CFAP61: variants seen among roughly 807,000 people sequenced by gnomAD.
The protein encoded by CFAP61 is cilia- and flagella-associated protein 61.
In CFAP61, 107 loss-of-function variants were observed where a neutral mutation model predicts 135.6. The observed-to-expected ratio is 0.79, with a 90% CI of 0.67 to 0.93. The LOEUF (loss-of-function observed/expected upper bound fraction) is 0.93. Ranked by LOEUF, CFAP61 falls within the 40% of genes least tolerant of loss-of-function variation. The probability of loss-of-function intolerance (pLI) is 0.00; values close to 1 mark genes in which losing one functional copy is unlikely to be tolerated. For missense variants in CFAP61, 1,507 were observed against 1,556.2 expected, an observed-to-expected ratio of 0.97 and a Z score of 0.53; for synonymous variants, 575 against 578.5, an observed-to-expected ratio of 0.99 and a Z score of 0.09.
intron 8 of CFAP61, among the ~76,000 whole-genome samples, chr20:20,104,156 C>T (rs1321172274): frequency 1.3e-5 from 2 of 152,116 alleles, no homozygotes; most frequent in African/African-American, 4.8e-5. Context: ...ACCAAGTCAT[C>T]CAGGAAAACT....
intron 13 of CFAP61, 41 bp downstream of exon 13, chr20:20,169,501 T>C (rs2054070406): frequency 1.3e-6 from 2 of 1,516,442 alleles, no homozygotes; most frequent in Admixed American, 1.8e-5. Flanking sequence ...ATCCATGAAA[T>C]TACAGAAGAG....
chr20:20,287,734 A>G (rs1168244701), intron 22 of CFAP61, among the ~76,000 whole-genome samples: 2 of 152,234 alleles, frequency 1.3e-5, no homozygotes, highest in Non-Finnish European at 2.9e-5. Context: ...TGCTTTTAAT[A>G]AAGTGGCAGA....
chr20:20,236,849 A>C lies in CFAP61; in HGVS notation c.2060+8473A>C, dbSNP rs202151027. 5.3e-5 allele frequency among the ~76,000 whole-genome samples: 8 copies of C among 152,322 alleles called. No homozygotes were observed. In the East Asian group the frequency reaches 1.5e-3, roughly 29 times the overall value. On this transcript the variant is annotated intron_variant, in intron 18 of 26. Transcript: ENST00000245957. ...TGTATTTTGCCATCTCTCATGTGCAAGGGCTTTCTGGCTTGTCTTTGATAG... is the reference window on the plus strand; with the variant it reads ...TGTATTTTGCCATCTCTCATGTGCACGGGCTTTCTGGCTTGTCTTTGATAG...
At chr20:20,097,560 T>C (rs1439584769) in intron 7 of CFAP61, among the ~76,000 whole-genome samples, 1 of 152,250 alleles carries the variant, frequency 6.6e-6, no homozygotes, top group Non-Finnish European at 1.5e-5. Context: ...TAATTTCTAA[T>C]GTTTTGGTAC....
chr20:20,327,293 T>C (rs1275035733), intron 25 of CFAP61, among the ~76,000 whole-genome samples: 1 of 152,192 alleles, frequency 6.6e-6, no homozygotes, highest in Non-Finnish European at 1.5e-5. Flanking sequence ...CAATATTAAA[T>C]GGTAGTGGAG....
At chr20:20,300,398 C>G (rs576612644) in intron 25 of CFAP61, among the ~76,000 whole-genome samples, 2 of 152,254 alleles carry the variant, frequency 1.3e-5, no homozygotes, top group African/African-American at 4.8e-5. Context: ...CTCTGAAGCC[C>G]TTCCAGTGGG....
chr20:20,128,887 C>G (rs1239072272), intron 8 of CFAP61, among the ~76,000 whole-genome samples: 3 of 151,556 alleles, frequency 2.0e-5, no homozygotes, highest in Admixed American at 6.6e-5. Context: ...AAAGAAAAAT[C>G]TAGAAAAAAG....
intron 8 of CFAP61, among the ~76,000 whole-genome samples, chr20:20,104,004 C>T (rs1016243237): frequency 1.8e-4 from 28 of 152,296 alleles, no homozygotes; most frequent in Middle Eastern, 3.4e-3. Context: ...TGCAAGGTTC[C>T]GATTTGTAAA....
At chr20:20,310,152 C>T (rs1296987668) in intron 25 of CFAP61, among the ~76,000 whole-genome samples, 5 of 152,084 alleles carry the variant, frequency 3.3e-5, no homozygotes, top group Non-Finnish European at 7.4e-5. Flanking sequence ...TGCTACCACA[C>T]CCTGCTAATT....
chr20:20,250,093 C>A (rs6046757), intron 19 of CFAP61, among the ~76,000 whole-genome samples: 1 of 152,178 alleles, frequency 6.6e-6, no homozygotes, highest in African/African-American at 2.4e-5. Context: ...GGTCCTGTAA[C>A]AAGGTCTAAT....
intron 8 of CFAP61, among the ~76,000 whole-genome samples, chr20:20,124,576 C>T (rs1445458311): frequency 6.6e-6 from 1 of 151,660 alleles, no homozygotes; most frequent in Non-Finnish European, 1.5e-5. Context: ...TCCCTGCATC[C>T]CTGGTATGAA....
At chr20:20,124,451 G>T (rs530655021) in intron 8 of CFAP61, among the ~76,000 whole-genome samples, 1 of 151,810 alleles carries the variant, frequency 6.6e-6, no homozygotes, top group African/African-American at 2.4e-5. Flanking sequence ...ATCATAAAGC[G>T]ATGCTGGATT....
In CFAP61 at chr20:20,285,342, A is replaced by G. The variant is rs1473140816; in HGVS notation, c.2797-3267A>G. On this transcript the variant is annotated intron_variant, in intron 22 of 26. Transcript: ENST00000245957. ...CTGAACTTCTCGAATCCATAAATTT[A>G]TGATTTTCACTAAATTTTAACAAGT... 2.0e-5 allele frequency among the ~76,000 whole-genome samples: 3 copies of G among 149,716 alleles called. No homozygotes were observed. In the East Asian group the frequency reaches 5.8e-4, roughly 29 times the overall value.
rs998055743 is a variant in CFAP61 at position 20,273,041 on chromosome 20, AT to A, written c.2504-4105del. Among the ~76,000 whole-genome samples, 1,233 of 127,334 alleles carry A rather than the reference AT, an allele frequency of 9.7e-3. 14 individuals carry two copies. Among genetic ancestry groups the A allele is most frequent in the African/African-American group, 0.032 (1,066 of 33,588 alleles). The allele number at this position is 127,334 out of a possible 152,430, so 83.5% of individuals were successfully genotyped here. A position where few individuals can be genotyped will look rare whatever the true frequency, so the allele number is the denominator to read the frequency against. ...GGACTAGAGGTGCGTGCCATGCTTA[AT>A]TTTTTTTTTTTTTTTTTTTGTAGAG... On this transcript the variant is annotated intron_variant, in intron 21 of 26. Coordinates refer to ENST00000245957, the MANE Select transcript of CFAP61 (RefSeq NM_015585.4).
chr20:20,123,648 T>C (rs1220688390), intron 8 of CFAP61, among the ~76,000 whole-genome samples: 2 of 151,500 alleles, frequency 1.3e-5, no homozygotes, highest in East Asian at 1.9e-4. Flanking sequence ...GTGACTCTCA[T>C]GCTGTTTTGG....
chr20:20,257,393 T>C (rs536659964), intron 20 of CFAP61, among the ~76,000 whole-genome samples: 4 of 152,200 alleles, frequency 2.6e-5, no homozygotes, highest in African/African-American at 9.6e-5. Flanking sequence ...GGCAGGTGGA[T>C]CACTTGAGGT....
In CFAP61 at chr20:20,098,665, C is replaced by G; in HGVS notation, c.710C>G (p.Thr237Arg). The change falls in exon 8 of 27, where the codon ACA becomes AGA. Residue 237 changes from threonine (T) to arginine (R), a missense_variant. Thr to Arg is a moderately conservative substitution (Grantham distance 71, BLOSUM62 -1). Transcript: ENST00000245957. ...NHAVVCEVEG[T>R]AVGFMSVCSR... ...TTTTGGATATTTCAGGTGGAAGGCACAGCTGTTGGGTTCATGAGTGTGTGC... is the reference window on the plus strand; with the variant it reads ...TTTTGGATATTTCAGGTGGAAGGCAGAGCTGTTGGGTTCATGAGTGTGTGC... 3 of 1,592,762 alleles carry G rather than the reference C, an allele frequency of 1.9e-6. No homozygotes were observed. The highest frequency in any genetic ancestry group is 2.6e-6 in the Non-Finnish European group (3 of 1,171,804).
chr20:20,088,660 A>C (rs1316276969), intron 6 of CFAP61, among the ~76,000 whole-genome samples: 1 of 152,128 alleles, frequency 6.6e-6, no homozygotes, highest in East Asian at 1.9e-4. Context: ...AAACCATATC[A>C]AGAGGTTAAC....
chr20:20,227,160 A>G (rs920488026), intron 17 of CFAP61, among the ~76,000 whole-genome samples: 2 of 152,228 alleles, frequency 1.3e-5, no homozygotes, highest in Non-Finnish European at 2.9e-5. Context: ...GGGAACCCAA[A>G]TAAGACTTTA....
Sources: allele counts gnomAD v4.1 joint callset (sites outside exome capture counted in the v4.1 genomes callset), GRCh38; gene constraint gnomAD v4.1.1; transcripts MANE v1.5; gene names NCBI Gene and HGNC (gene_info 2026-07-23, HGNC 2026-07-21).